NEK9: variants seen among roughly 807,000 people sequenced by gnomAD.
The protein encoded by NEK9 is serine/threonine-protein kinase Nek9.
Under a neutral mutation model 123.4 loss-of-function variants are expected in NEK9, and 75 were observed. The observed-to-expected ratio is 0.61, with a 90% CI of 0.50 to 0.74. The LOEUF (loss-of-function observed/expected upper bound fraction) is 0.74, where lower values mean the gene tolerates loss of function less well. Among genes scored for constraint, NEK9 ranks in the 30% least tolerant of loss-of-function variants. NEK9 has a pLI of 0.00. For synonymous variants in NEK9, 438 were observed against 458.7 expected, an observed-to-expected ratio of 0.95 and a Z score of 0.58; for missense variants, 952 against 1,214.4, an observed-to-expected ratio of 0.78 and a Z score of 3.21.
intron 21 of NEK9, among the ~76,000 whole-genome samples, chr14:75,085,471 C>G (rs992788604): frequency 1.3e-5 from 2 of 152,226 alleles, no homozygotes; most frequent in African/African-American, 4.8e-5. Context: ...TTCTCTGCTT[C>G]TACTTCCCTC....
Position 75,113,410 on chromosome 14 carries a change from A to G in NEK9, c.874-7T>C. On this transcript the variant is annotated splice_region_variant and splice_polypyrimidine_tract_variant and intron_variant, in intron 7 of 21. Transcript: ENST00000238616. The stretch of plus-strand genomic sequence containing the variant: ...TAGGTCTCTGCTCAGGATCCTAAAA[A>G]GTAAAAATAGGGTTAGTTTTCACTT... 1 of 1,609,622 alleles carries G rather than the reference A, an allele frequency of 6.2e-7. No individual in the cohort carries two copies.
At chr14:75,084,788 A>T (rs1893970149) in intron 21 of NEK9, 102 bp from the exon 22 acceptor site, 1 of 1,473,642 alleles carries the variant, frequency 6.8e-7, no homozygotes, top group Non-Finnish European at 9.3e-7. Context: ...GCATTGGCTA[A>T]GGCGTGGCTA....
At chr14:75,098,347 A>G (rs1894457375) in intron 16 of NEK9, among the ~76,000 whole-genome samples, 1 of 152,112 alleles carries the variant, frequency 6.6e-6, no homozygotes, top group Admixed American at 6.5e-5. Flanking sequence ...GTGGCTATTA[A>G]TCATTAAGCC....
At chr14:75,107,560 G>A in intron 10 of NEK9, 73 bp from the exon 11 acceptor site, 7 of 1,302,350 alleles carry the variant, frequency 5.4e-6, no homozygotes, top group Non-Finnish European at 7.2e-6. Flanking sequence ...AAAGAGATGG[G>A]TTCTCGCTAT....
chr14:75,113,364 G>A lies in NEK9; in HGVS notation c.913C>T (p.Arg305Cys), dbSNP rs1474424801. The change falls in exon 8 of 22, where the codon CGC (arginine) becomes TGC (cysteine). Residue 305 changes from arginine to cysteine, a missense_variant. Arg to Cys is a radical substitution (Grantham distance 180). This residue lies in a region of NEK9 where 698 missense variants were observed against 875.6 expected (regional missense o/e 0.80). Transcript: ENST00000238616. ...QRPTADELLD[R>C]PLLRKRRREM... ...CTCCTGCGTTTCCTGAGAAGAGGGC[G>A]ATCTAGAAGTTCATCTGCAGTAGGT... is the stretch of plus-strand genomic sequence containing the variant. 6 of 1,613,526 alleles carry A rather than the reference G, an allele frequency of 3.7e-6. No homozygotes were observed. The highest frequency in any genetic ancestry group is 4.5e-5 in the East Asian group (2 of 44,878).
rs1348468281 is a variant in NEK9, at chr14:75,121,165, AG to A, written c.406del (p.Leu136CysfsTer29). On this transcript the variant is annotated frameshift_variant, in exon 3 of 22. Transcript: ENST00000238616. LOFTEE classifies it high-confidence loss of function. ...IELEYCNGGN[L>X]YDKILRQKDK... ...CTTCTGACGAAGGATTTTGTCATAC[AG>A]GTTCCCTCCTGCAATTAAACAAGAC... 1.9e-6 allele frequency: 3 copies of A among 1,613,340 alleles called. No homozygotes were observed. Among genetic ancestry groups the A allele is most frequent in the Non-Finnish European group, 2.5e-6 (3 of 1,179,268 alleles).
At position 75,103,172 on chromosome 14, in the gene NEK9, C is replaced by T. The variant is rs533592113; in HGVS notation, c.1731+670G>A. On this transcript the variant is annotated intron_variant, in intron 14 of 21. Coordinates refer to ENST00000238616, the MANE Select transcript of NEK9 (RefSeq NM_033116.6). ...CAAACCTGCACGTTGTGCACATGTA[C>T]CCTAGAACTTAAAAGTATAATAAAA... is the stretch of plus-strand genomic sequence containing the variant. 4.4e-4 allele frequency among the ~76,000 whole-genome samples: 67 copies of T among 150,630 alleles called. 1 individual carries two copies. The highest frequency in any genetic ancestry group is 1.7e-3 in the South Asian group (8 of 4,774).
In NEK9 at chr14:75,107,356, A is replaced by G. The variant is rs1894812582; in HGVS notation, c.1314T>C (p.Thr438=). The G allele has an allele frequency of 1.2e-6, 2 of 1,613,272 alleles. No homozygotes were observed. Among genetic ancestry groups the G allele is most frequent in the African/African-American group, 1.3e-5 (1 of 74,846 alleles). ...CTGATGGCTTACCAGTCACACAGAC[A>G]GTGAAATCATCACCACATGACACCT... ...IRQVSCGDDF[T]VCVTDEGQLY... Residue 438 remains threonine (T), a synonymous_variant, in exon 11 of 22, where the codon ACT becomes ACC. Coordinates refer to ENST00000238616, the MANE Select transcript of NEK9 (RefSeq NM_033116.6).
rs758355539 is a variant in NEK9, at chr14:75,106,584, C to T, written c.1446G>A (p.Val482=). 2 of 1,614,044 alleles carry T rather than the reference C, an allele frequency of 1.2e-6. No homozygotes were observed. Among genetic ancestry groups the T allele is most frequent in the South Asian group, 1.1e-5 (1 of 91,086 alleles). The change falls in exon 12 of 22, where the codon GTG becomes GTA. Residue 482 remains valine, a synonymous_variant. Transcript: ENST00000238616. ...MQLNFFLSNP[V]EQVSCGDNHV... ...GATTATCTCCACAGGAGACCTGCTC[C>T]ACTGGATTGCTGAGGAAGAAGTTCA...
At chr14:75,123,077 G>A (rs2139811310) in intron 2 of NEK9, among the ~76,000 whole-genome samples, 1 of 152,146 alleles carries the variant, frequency 6.6e-6, no homozygotes, top group Admixed American at 6.6e-5. Context: ...TTACAGGTGT[G>A]CACTGTCCCT....
chr14:75,093,622 T>A (rs1894289192), intron 18 of NEK9, among the ~76,000 whole-genome samples: 1 of 151,774 alleles, frequency 6.6e-6, no homozygotes, highest in African/African-American at 2.4e-5. Flanking sequence ...CCTGGCTAAT[T>A]TTTTTTTGTA....
intron 5 of NEK9, 115 bp downstream of exon 5, chr14:75,118,715 A>T (rs1214625413): frequency 1.3e-5 from 9 of 670,836 alleles, no homozygotes; most frequent in Non-Finnish European, 2.3e-5. Flanking sequence ...GACATGCATT[A>T]AAAGTATGGA....
intron 9 of NEK9, 107 bp from the exon 10 acceptor site, chr14:75,109,984 A>T: frequency 8.9e-7 from 1 of 1,125,848 alleles, no homozygotes; most frequent in Non-Finnish European, 1.3e-6. Flanking sequence ...TGGTATGAGA[A>T]AGTATGTTCT....
In NEK9 at chr14:75,091,484, A is replaced by G. The variant is rs200183485; in HGVS notation, c.2234-6T>C. ...CGGGCTAGAGCTCTGAAACACTGAC[A>G]GATATACAGCACAGAAATAGACAGC... On this transcript the variant is annotated splice_region_variant and splice_polypyrimidine_tract_variant and intron_variant, in intron 18 of 21. Coordinates refer to ENST00000238616, the MANE Select transcript of NEK9 (RefSeq NM_033116.6). 3 of 1,570,002 alleles carry G rather than the reference A, an allele frequency of 1.9e-6. No homozygotes were observed. The highest frequency in any genetic ancestry group is 2.4e-5 in the South Asian group (2 of 82,182).
Position 75,088,536 on chromosome 14 carries a change from C to T in NEK9, c.2548G>A (p.Gly850Arg). 6.2e-7 allele frequency: 1 copy of T among 1,614,084 alleles called. No homozygotes were observed. Among genetic ancestry groups the T allele is most frequent in the Non-Finnish European group, 8.5e-7 (1 of 1,179,992 alleles). Residue 850 changes from glycine to arginine, a missense_variant, in exon 20 of 22, where the codon GGA becomes AGA. Gly to Arg is a moderately radical substitution (Grantham distance 125). Transcript: ENST00000238616. ...KDTLPYEELQ[G>R]LKVASEAPLE... ...GGAGCTTCAGAGGCCACTTTGAGTC[C>T]TTGCAGCTCTTCATAGGGCAGGGTA...
At position 75,112,814 on chromosome 14, in the gene NEK9, C is replaced by CT. The variant is rs371341655; in HGVS notation, c.938+524dup. On this transcript the variant is annotated intron_variant, in intron 8 of 21. Transcript: ENST00000238616. ...CTAGCCTGGGTGACAGAGTGAGACT[C>CT]TGTCTCAGAAAACAAACAAAAAACA... 9.3e-4 allele frequency among the ~76,000 whole-genome samples: 141 copies of CT among 152,256 alleles called. 1 individual carries two copies. In the South Asian group the frequency reaches 0.013, roughly 14 times the overall value.
intron 8 of NEK9, among the ~76,000 whole-genome samples, chr14:75,111,102 C>T (rs1894945060): frequency 1.3e-5 from 2 of 152,124 alleles, no homozygotes; most frequent in Admixed American, 6.5e-5. Context: ...CGTGAACTGC[C>T]CTCTCGCAAA....
At chr14:75,088,777 C>T in intron 19 of NEK9, 136 bp from the exon 20 acceptor site, 1 of 699,506 alleles carries the variant, frequency 1.4e-6, no homozygotes, top group Non-Finnish European at 2.3e-6. Context: ...TGGTTAACAA[C>T]ATATCACAGC....
chr14:75,093,499 C>T (rs1013803842), intron 18 of NEK9, among the ~76,000 whole-genome samples: 1 of 152,132 alleles, frequency 6.6e-6, no homozygotes, highest in African/African-American at 2.4e-5. Flanking sequence ...TTTCGCCAGG[C>T]TGGCTGTACA....
Sources: gnomAD v4.1 joint callset for allele counts (sites outside exome capture counted in the v4.1 genomes callset) on GRCh38, gnomAD v4.1.1 for gene constraint, gnomAD v4.1.1 regional missense constraint, MANE v1.5 for transcripts, NCBI Gene and HGNC (gene_info 2026-07-23, HGNC 2026-07-21) for gene names.